The following KLRG1 variants were observed in gnomAD, a reference collection of about 807,000 sequenced individuals.
KLRG1 encodes killer cell lectin-like receptor subfamily G member 1.
Under a neutral mutation model 21.8 loss-of-function variants are expected in KLRG1, and 16 were observed. The ratio of observed to expected loss-of-function variants is 0.73; its 90% confidence interval spans 0.50 to 1.11. The LOEUF is 1.11. Ranked by LOEUF, KLRG1 falls within the 50% of genes most tolerant of loss-of-function variation. The pLI is 0.00. For synonymous variants in KLRG1, 69 were observed against 75.9 expected (o/e 0.91, Z 0.47); for missense variants, 173 against 218.3 (o/e 0.79, Z 1.31).
chr12:9,113,665 G>T, the KLRG1 span: 1 of 1,022,480 alleles, frequency 9.8e-7, no homozygotes. Flanking sequence ...ATGTACTGAT[G>T]AGCATGAAAT....
At chr12:9,064,391 T>G in the KLRG1 span, 1 of 154,024 alleles carries the variant, frequency 6.5e-6, no homozygotes, top group African/African-American at 2.4e-5. The surrounding 1 kb of genome is among the most constrained non-coding windows in gnomAD (Gnocchi z 4.0). Context: ...CAGTGGCTGC[T>G]GTGGGACATC....
downstream of KLRG1, among the ~76,000 whole-genome samples, chr12:9,014,327 T>A (rs1297991845): frequency 6.6e-6 from 1 of 151,796 alleles, no homozygotes; most frequent in African/African-American, 2.4e-5. Context: ...CTTCCAAAGG[T>A]CAAGGATAAA....
the KLRG1 span, among the ~76,000 whole-genome samples, chr12:9,203,587 C>T: frequency 6.6e-6 from 1 of 152,032 alleles, no homozygotes; most frequent in Non-Finnish European, 1.5e-5. Flanking sequence ...GTGATCTGCC[C>T]GCCTTGGCTT....
chr12:9,002,622 A>C (rs1947338307), intron 3 of KLRG1, among the ~76,000 whole-genome samples: 1 of 152,054 alleles, frequency 6.6e-6, no homozygotes, highest in Admixed American at 6.6e-5. Flanking sequence ...GCTGGAGTGC[A>C]ATGGCACAAT....
chr12:9,119,521 G>T, the KLRG1 span, among the ~76,000 whole-genome samples: 1 of 152,160 alleles, frequency 6.6e-6, no homozygotes, highest in Admixed American at 6.5e-5. Flanking sequence ...TGAGGAACTA[G>T]AGCCAGTTTG....
At chr12:9,093,456 G>A in the KLRG1 span, 1 of 1,599,920 alleles carries the variant, frequency 6.3e-7, no homozygotes, top group Non-Finnish European at 8.6e-7. Context: ...TATGCAGGAA[G>A]TTACTTACTT....
the KLRG1 span, among the ~76,000 whole-genome samples, chr12:9,117,896 T>G: frequency 6.6e-6 from 1 of 152,220 alleles, no homozygotes; most frequent in Non-Finnish European, 1.5e-5. Context: ...AGACTTTTTT[T>G]TCATAATTTG....
the KLRG1 span, among the ~76,000 whole-genome samples, chr12:9,085,173 A>G: frequency 6.6e-6 from 1 of 152,148 alleles, no homozygotes; most frequent in Non-Finnish European, 1.5e-5. Context: ...ACTTTAGATC[A>G]AATAGACCTA....
chr12:9,044,466 A>T, the KLRG1 span, among the ~76,000 whole-genome samples: 1 of 152,136 alleles, frequency 6.6e-6, no homozygotes, highest in South Asian at 2.1e-4. Context: ...GGAGTTTGCC[A>T]CCAGCCTGAC....
chr12:9,115,734 C>CATGCTTCACGCTCTCTGTGTG, the KLRG1 span: 1 of 1,559,814 alleles, frequency 6.4e-7, no homozygotes, highest in South Asian at 1.1e-5. Context: ...ACTCTAGGTT[C>CATGCTTCACGCTCTCTGTGTG]ATGCTTCACG....
intron 3 of KLRG1, among the ~76,000 whole-genome samples, chr12:9,001,911 G>A (rs761809312): frequency 6.6e-6 from 1 of 152,124 alleles, no homozygotes. Flanking sequence ...TTATCAAATA[G>A]CATTATTTCA....
At chr12:9,007,000 T>G (rs1462706958) in intron 3 of KLRG1, among the ~76,000 whole-genome samples, 2 of 152,256 alleles carry the variant, frequency 1.3e-5, no homozygotes, top group Non-Finnish European at 2.9e-5. Context: ...ATAATTGTTT[T>G]CAGGATACTG....
Position 8,951,172 on chromosome 12 carries a change from C to G in KLRG1, c.-156+936C>G, listed in dbSNP as rs77531340. Among the ~76,000 whole-genome samples, 292 of 152,162 alleles carry G rather than the reference C, an allele frequency of 1.9e-3. 1 individual carries two copies. Among genetic ancestry groups the G allele is most frequent in the African/African-American group, 6.9e-3 (285 of 41,504 alleles). On this transcript the variant is annotated intron_variant, in intron 1 of 4. Coordinates refer to the KLRG1 transcript ENST00000539240. ...TTCCTTCATGAATATATGTTGTTTC[C>G]TTTTTTCAAAAATGTATCAGTCCCA... is the stretch of plus-strand genomic sequence containing the variant.
chr12:9,168,762 T>C, the KLRG1 span: 1 of 811,370 alleles, frequency 1.2e-6, no homozygotes, highest in Non-Finnish European at 2.0e-6. Flanking sequence ...TCTTGGTTTC[T>C]TTGTGTGTAT....
At chr12:8,985,387 G>A (rs1286238633), upstream of KLRG1, among the ~76,000 whole-genome samples, 2 of 152,046 alleles carry the variant, frequency 1.3e-5, no homozygotes, top group East Asian at 1.9e-4. Context: ...ATGTGGTAGG[G>A]GTGTTCCCCA....
At chr12:9,155,459 CT>C in the KLRG1 span, among the ~76,000 whole-genome samples, 4 of 151,556 alleles carry the variant, frequency 2.6e-5, no homozygotes, top group African/African-American at 9.7e-5. Context: ...AGAATTAAAA[CT>C]TTTGATTCTT....
the KLRG1 span, among the ~76,000 whole-genome samples, chr12:9,085,660 A>G: frequency 4.9e-4 from 74 of 152,172 alleles, 1 homozygote; most frequent in African/African-American, 1.8e-3. Context: ...TAAAGATTAG[A>G]GCAGAAATAA....
chr12:9,188,228 A>C, the KLRG1 span, among the ~76,000 whole-genome samples: 1 of 152,260 alleles, frequency 6.6e-6, no homozygotes, highest in African/African-American at 2.4e-5. Context: ...ACATAGGCAT[A>C]TCAATAAATG....
the KLRG1 span, among the ~76,000 whole-genome samples, chr12:9,075,191 C>G: frequency 0.55 from 84,199 of 151,948 alleles, 24,971 homozygotes; most frequent in African/African-American, 0.76. Flanking sequence ...AGTAGAGTTT[C>G]TACTCATTAA....
Sources: allele counts gnomAD v4.1 joint callset (sites outside exome capture counted in the v4.1 genomes callset), GRCh38; gene constraint gnomAD v4.1.1; non-coding constraint Gnocchi (gnomAD v3.1); transcripts MANE v1.5; gene names NCBI Gene and HGNC (gene_info 2026-07-23, HGNC 2026-07-21).